GEN1: variants seen among roughly 807,000 people sequenced by gnomAD.
GEN1 encodes flap endonuclease GEN homolog 1.
GEN1 carries 64 observed loss-of-function variants against 67.6 expected under a neutral mutation model. That is an observed-to-expected ratio of 0.95 (90% CI 0.77 to 1.17). GEN1 has a LOEUF of 1.17. Among genes scored for constraint, GEN1 ranks in the 50% most tolerant of loss-of-function variants. The pLI is 0.00. For synonymous variants in GEN1, 371 were observed against 359.4 expected (o/e 1.03, Z -0.37); for missense variants, 1,058 against 1,048.3 (o/e 1.01, Z -0.13).
intron 4 of GEN1, 101 bp downstream of exon 4, chr2:17,765,174 C>A: frequency 1.9e-6 from 2 of 1,069,938 alleles, no homozygotes; most frequent in South Asian, 1.4e-5. Context: ...ACTGTAATGC[C>A]TTGCACGTAG....
intron 1 of GEN1, 23 bp from the exon 2 acceptor site, chr2:17,759,906 G>A (rs1671594187): frequency 6.2e-7 from 1 of 1,600,514 alleles, no homozygotes; most frequent in Non-Finnish European, 8.5e-7. Flanking sequence ...ACAATATTTT[G>A]TAAAGTGTGT....
chr2:17,779,867 G>A (rs895759766), intron 12 of GEN1, 111 bp from the exon 13 acceptor site: 42 of 759,092 alleles, frequency 5.5e-5, no homozygotes, highest in South Asian at 9.0e-5. Context: ...TGATCCGCCC[G>A]CCTTGGCCTC....
chr2:17,766,804 A>G, intron 5 of GEN1, 115 bp downstream of exon 5: 2 of 573,940 alleles, frequency 3.5e-6, no homozygotes, highest in Non-Finnish European at 3.0e-6. Flanking sequence ...TTTAAAATAT[A>G]ATTTCAGGCA....
In GEN1 at chr2:17,785,029, GTC is replaced by G. The variant is rs1673010517; in HGVS notation, c.*3093_*3094del. The G allele has an allele frequency of 6.6e-6, 1 of 152,196 alleles. No individual in the cohort carries two copies. Among genetic ancestry groups the G allele is most frequent in the Non-Finnish European group, 1.5e-5 (1 of 68,080 alleles). 9.4% of individuals were successfully genotyped at this position (152,196 alleles called of 1,614,324 possible). A position where few individuals can be genotyped will look rare whatever the true frequency, so the allele number is the denominator to read the frequency against. ...CTGTCAGATCAGCGGTGGCATTAGA[GTC>G]TCATAGGAGCATGAACCCTATTGTG... is the stretch of plus-strand genomic sequence containing the variant. On this transcript the variant is annotated 3_prime_UTR_variant, in exon 14 of 14. Coordinates refer to ENST00000381254, the MANE Select transcript of GEN1 (RefSeq NM_001130009.3).
chr2:17,760,650 A>G (rs2555071), intron 2 of GEN1, among the ~76,000 whole-genome samples: 105,809 of 152,088 alleles, frequency 0.7, 37,515 homozygotes, highest in East Asian at 0.99. Context: ...GGCCGCGTGC[A>G]GTGGCTCACG....
At chr2:17,767,791 T>A (rs1672002132) in intron 5 of GEN1, among the ~76,000 whole-genome samples, 1 of 152,252 alleles carries the variant, frequency 6.6e-6, no homozygotes, top group Admixed American at 6.5e-5. Context: ...GCTATGTATT[T>A]ACATTGTTCT....
chr2:17,771,746 TA>T (rs1672200081), intron 7 of GEN1, among the ~76,000 whole-genome samples: 1 of 151,536 alleles, frequency 6.6e-6, no homozygotes, highest in African/African-American at 2.4e-5. Context: ...ACATGTTCAC[TA>T]TTCTTGAAAA....
intron 4 of GEN1, 34 bp downstream of exon 4, chr2:17,765,107 TTAC>T: frequency 6.3e-7 from 1 of 1,597,456 alleles, no homozygotes; most frequent in Non-Finnish European, 8.6e-7. Flanking sequence ...CAGCATTTGT[TTAC>T]GAACTACCTT....
chr2:17,761,060 A>G (rs929640830), intron 2 of GEN1, among the ~76,000 whole-genome samples: 18 of 152,140 alleles, frequency 1.2e-4, no homozygotes, highest in Admixed American at 2.6e-4. Context: ...GTGAAACCCC[A>G]TCTCTACAAA....
rs10626432 is a variant in GEN1 at position 17,778,322 on chromosome 2, A to ATATG, written c.1264+259_1264+260insTATG. On this transcript the variant is annotated intron_variant, in intron 12 of 13. Transcript: ENST00000381254. ...TGTACATATATGTATATACACACAC[A>ATATG]CGTGTACATATATGTATACACACAC... is the stretch of plus-strand genomic sequence containing the variant. Among the ~76,000 whole-genome samples, 158 of 19,114 alleles carry ATATG rather than the reference A, an allele frequency of 8.3e-3. 58 individuals are homozygous for ATATG. Among genetic ancestry groups the ATATG allele is most frequent in the Admixed American group, 0.032 (39 of 1,232 alleles). The allele number at this position is 19,114 out of a possible 152,430, so 12.5% of individuals were successfully genotyped here.
At chr2:17,759,601 T>C (rs1356453665) in intron 1 of GEN1, among the ~76,000 whole-genome samples, 8 of 152,072 alleles carry the variant, frequency 5.3e-5, no homozygotes, top group African/African-American at 1.2e-4. Context: ...TTTTTTTTTT[T>C]CCTGGGTATG....
At chr2:17,765,511 A>G (rs1408474253) in intron 4 of GEN1, among the ~76,000 whole-genome samples, 1 of 152,208 alleles carries the variant, frequency 6.6e-6, no homozygotes, top group Non-Finnish European at 1.5e-5. Flanking sequence ...AATCCTTCAC[A>G]CTTACTGGTT....
chr2:17,764,673 A>G (rs1477263125), intron 3 of GEN1, among the ~76,000 whole-genome samples: 1 of 152,188 alleles, frequency 6.6e-6, no homozygotes, highest in African/African-American at 2.4e-5. Flanking sequence ...AAACATAACC[A>G]CAATATAATT....
intron 12 of GEN1, 107 bp downstream of exon 12, chr2:17,778,170 ATG>A (rs1168968537): frequency 1.0e-5 from 5 of 476,446 alleles, no homozygotes; most frequent in South Asian, 4.5e-5. Flanking sequence ...ACACATAGAT[ATG>A]TGTATATATA....
At chr2:17,778,289 C>T (rs868231579) in intron 12 of GEN1, among the ~76,000 whole-genome samples, 1,098 of 90,174 alleles carry the variant, frequency 0.012, 201 homozygotes, top group African/African-American at 0.033. Context: ...TATACACACA[C>T]ATGTGTGTGT....
rs768425073 is a variant in GEN1, at chr2:17,773,279, C to T, written c.1051C>T (p.Pro351Ser). 6 of 1,593,250 alleles carry T rather than the reference C, an allele frequency of 3.8e-6. No individual in the cohort carries two copies. Among genetic ancestry groups the T allele is most frequent in the Non-Finnish European group, 5.1e-6 (6 of 1,165,880 alleles). Residue 351 changes from proline (P) to serine (S), a missense_variant, in exon 10 of 14, where the codon CCT (proline) becomes TCT (serine). By Grantham distance (74) the Pro-to-Ser change is moderately conservative (BLOSUM62 -1). Transcript: ENST00000381254. ...KLVKVIRYQRPDLLLFQRFTL... is the reference protein window; with the variant it reads ...KLVKVIRYQRSDLLLFQRFTL... The stretch of plus-strand genomic sequence containing the variant: ...GGTGAAGGTTATCAGGTACCAAAGA[C>T]CTGATTTGTTATTGTTTCAGGTATC...
chr2:17,778,050 A>G lies in GEN1; in HGVS notation c.1251A>G (p.Glu417=). 6.3e-7 allele frequency: 1 copy of G among 1,593,594 alleles called. No homozygotes were observed. The highest frequency in any genetic ancestry group is 8.6e-7 in the Non-Finnish European group (1 of 1,163,482). ...ATGGAGTTCATTGTTTTGAAATAGA[A>G]TGGGAAAAGCCTGGTATGTATTCAC... ...IRNGVHCFEI[E]WEKPEHYAME... Residue 417 remains glutamate, a synonymous_variant, in exon 12 of 14, where the codon GAA becomes GAG. Transcript: ENST00000381254.
rs1491173385 is a variant in GEN1 at position 17,778,322 on chromosome 2, ACG to A, written c.1264+260_1264+261del. ...TGTACATATATGTATATACACACAC[ACG>A]TGTACATATATGTATACACACACAT... On this transcript the variant is annotated intron_variant, in intron 12 of 13. Coordinates refer to ENST00000381254, the MANE Select transcript of GEN1 (RefSeq NM_001130009.3). Among the ~76,000 whole-genome samples the A allele has an allele frequency of 3.8e-3, 73 of 19,112 alleles. 18 individuals are homozygous for A. The highest frequency in any genetic ancestry group is 9.7e-3 in the Admixed American group (12 of 1,236). 12.5% of individuals were successfully genotyped at this position (19,112 alleles called of 152,430 possible).
upstream of GEN1, among the ~76,000 whole-genome samples, chr2:17,753,410 T>G (rs1375842824): frequency 9.0e-6 from 1 of 111,596 alleles, no homozygotes; most frequent in Admixed American, 8.1e-5. Flanking sequence ...AGGAGACCGG[T>G]GCCGCCTCGG....
Sources: gnomAD v4.1 joint callset for allele counts (sites outside exome capture counted in the v4.1 genomes callset) on GRCh38, gnomAD v4.1.1 for gene constraint, MANE v1.5 for transcripts, NCBI Gene and HGNC (gene_info 2026-07-23, HGNC 2026-07-21) for gene names.